PNKD: variants seen among roughly 807,000 people sequenced by gnomAD.
PNKD encodes the protein probable thioesterase PNKD.
PNKD carries 36 observed loss-of-function variants against 45.3 expected under a neutral mutation model. The ratio of observed to expected loss-of-function variants is 0.80; its 90% CI spans 0.61 to 1.05. PNKD has a LOEUF of 1.05. Among genes scored for constraint, PNKD ranks in the 50% least tolerant of loss-of-function variants. PNKD has a pLI of 0.00. For synonymous variants in PNKD, 197 were observed against 210.1 expected, an observed-to-expected ratio of 0.94 and a Z score of 0.54; for missense variants, 511 against 506.6, an observed-to-expected ratio of 1.01 and a Z score of -0.08.
Position 218,346,366 on chromosome 2 carries a change from C to T in PNKD, c.*1385C>T, listed in dbSNP as rs1255941944. On this transcript the variant is annotated 3_prime_UTR_variant, in exon 10 of 10. Transcript: ENST00000273077. ...CTCTGCCCCCTTCTCTAGCCACAGC[C>T]TCTAGTACACTTTAGCAATACCACC... The T allele has an allele frequency of 1.3e-5, 2 of 153,066 alleles. No homozygotes were observed. The highest frequency in any genetic ancestry group is 4.8e-5 in the African/African-American group (2 of 41,460). 9.5% of individuals were successfully genotyped at this position (153,066 alleles called of 1,614,324 possible).
At chr2:218,343,095 A>G (rs544015784) in intron 7 of PNKD, among the ~76,000 whole-genome samples, 1 of 152,134 alleles carries the variant, frequency 6.6e-6, no homozygotes, top group Admixed American at 6.5e-5. Context: ...TGGCAGGACT[A>G]GGTTATGAAA....
intron 2 of PNKD, among the ~76,000 whole-genome samples, chr2:218,331,312 C>T (rs1263307326): frequency 6.6e-6 from 1 of 151,792 alleles, no homozygotes; most frequent in Non-Finnish European, 1.5e-5. Context: ...GAGGCTGAGG[C>T]AGAAGAATCG....
chr2:218,339,994 C>A (rs1302266940), intron 3 of PNKD, 35 bp from the exon 4 acceptor site: 3 of 1,529,152 alleles, frequency 2.0e-6, no homozygotes, highest in Non-Finnish European at 2.7e-6. Flanking sequence ...GGCTCCCTGC[C>A]TGTTACCCCG....
chr2:218,280,109 C>T (rs1691726750), intron 2 of PNKD: 3 of 1,614,126 alleles, frequency 1.9e-6, no homozygotes, highest in Non-Finnish European at 2.5e-6. Flanking sequence ...TCCTCCCCAT[C>T]ATAGCCATGG....
chr2:218,270,570 G>T lies in PNKD; in HGVS notation c.35G>T (p.Gly12Val), dbSNP rs778883254. The T allele has an allele frequency of 8.3e-7, 1 of 1,201,806 alleles. No homozygotes were observed. Among genetic ancestry groups the T allele is most frequent in the East Asian group, 3.1e-5 (1 of 32,704 alleles). 74.4% of individuals were successfully genotyped at this position (1,201,806 alleles called of 1,614,324 possible). A position where few individuals can be genotyped will look rare whatever the true frequency, so the allele number is the denominator to read the frequency against. ...AAVVAATALK[G>V]RGARNARVLR... ...GTGGTAGCTGCTACGGCGCTGAAGG[G>T]CCGGGGGGCGAGAAATGCCCGCGTC... Residue 12 changes from glycine (G) to valine (V), a missense_variant, in exon 1 of 10, where the codon GGC becomes GTC. By Grantham distance (109) the Gly-to-Val change is moderately radical. Transcript: ENST00000273077.
chr2:218,314,221 G>GTT (rs1693701207), intron 2 of PNKD, among the ~76,000 whole-genome samples: 4 of 57,014 alleles, frequency 7.0e-5, no homozygotes, highest in African/African-American at 2.5e-4. Flanking sequence ...CCGCGCCCTG[G>GTT]CTTTTTTTTT....
At chr2:218,304,784 G>T (rs2106254562) in intron 2 of PNKD, among the ~76,000 whole-genome samples, 1 of 152,212 alleles carries the variant, frequency 6.6e-6, no homozygotes. Context: ...TCTCTAAAGT[G>T]GGGCGACTGG....
chr2:218,306,551 C>G (rs1452956750), intron 2 of PNKD, among the ~76,000 whole-genome samples: 2 of 152,146 alleles, frequency 1.3e-5, no homozygotes, highest in Non-Finnish European at 2.9e-5. Context: ...ACCAGTCCCT[C>G]GTGGAGAGAA....
intron 2 of PNKD, among the ~76,000 whole-genome samples, chr2:218,314,524 C>T (rs1457925462): frequency 4.6e-5 from 7 of 152,046 alleles, no homozygotes; most frequent in Non-Finnish European, 1.0e-4. Flanking sequence ...AAGTTAGCCA[C>T]CATGCCTGGC....
rs760344888 is a variant in PNKD, at chr2:218,272,664, A to T, written c.236+1115A>T. 2.5e-6 allele frequency: 4 copies of T among 1,614,194 alleles called. No homozygotes were observed. The East Asian group carries it at 6.7e-5, about 27-fold the overall frequency. Reference sequence around the variant, plus strand: ...GAAGCAGATGAAGGCTCGGCAGAACATGCGGTTGTCCAACACGGGCGAGTA... The same window carrying T: ...GAAGCAGATGAAGGCTCGGCAGAACTTGCGGTTGTCCAACACGGGCGAGTA... On this transcript the variant is annotated intron_variant, in intron 2 of 9. Coordinates refer to ENST00000273077, the MANE Select transcript of PNKD (RefSeq NM_015488.5).
chr2:218,340,609 C>T lies in PNKD; in HGVS notation c.466-119C>T, dbSNP rs1356637999. ...TCCCCTCCAGCTCCATCCCTTTCCT[C>T]TGCTTCATCTCTCCATGCTCTCCTC... On this transcript the variant is annotated intron_variant, in intron 4 of 9. Transcript: ENST00000273077. The surrounding 1 kb of genome is among the most constrained non-coding windows in gnomAD (Gnocchi z 4.2). 2 of 791,528 alleles carry T rather than the reference C, an allele frequency of 2.5e-6. No homozygotes were observed. Among genetic ancestry groups the T allele is most frequent in the Non-Finnish European group, 4.5e-6 (2 of 441,782 alleles). The allele number at this position is 791,528 out of a possible 1,614,324, so 49.0% of individuals were successfully genotyped here.
At chr2:218,282,244 G>GT in intron 2 of PNKD, 1 of 987,780 alleles carries the variant, frequency 1.0e-6, no homozygotes, top group Non-Finnish European at 1.4e-6. Context: ...AGCCTCATGG[G>GT]CCCACTTCCA....
intron 2 of PNKD, among the ~76,000 whole-genome samples, chr2:218,283,436 G>A (rs1472144782): frequency 4.6e-5 from 7 of 152,180 alleles, no homozygotes; most frequent in African/African-American, 1.7e-4. Flanking sequence ...AGGTAGCAGA[G>A]ATGCAGGCTT....
At chr2:218,276,280 C>T (rs1227196782) in intron 2 of PNKD, among the ~76,000 whole-genome samples, 3 of 152,200 alleles carry the variant, frequency 2.0e-5, no homozygotes, top group African/African-American at 7.2e-5. Context: ...GGCCATCCTG[C>T]AATGGCTGTA....
At chr2:218,318,950 C>CTTTTTTTTTTTTTTTTTTTTTTTTTT (rs769001811) in intron 2 of PNKD, among the ~76,000 whole-genome samples, 1 of 99,904 alleles carries the variant, frequency 1.0e-5, no homozygotes, top group Non-Finnish European at 1.9e-5. Flanking sequence ...TTTTTTTTTT[C>CTTTTTTTTTTTTTTTTTTTTTTTTTT]TTTTTTTTTT....
chr2:218,277,842 A>G, intron 2 of PNKD: 8 of 1,580,120 alleles, frequency 5.1e-6, no homozygotes, highest in Non-Finnish European at 6.9e-6. Flanking sequence ...GGAGACAGCC[A>G]GGACATCCTT....
At chr2:218,288,955 G>A (rs1367865601) in intron 2 of PNKD, among the ~76,000 whole-genome samples, 2 of 152,116 alleles carry the variant, frequency 1.3e-5, no homozygotes, top group Non-Finnish European at 2.9e-5. Context: ...TGAGATAACT[G>A]AAATTCAGAA....
chr2:218,301,813 A>C (rs990784713), intron 2 of PNKD, among the ~76,000 whole-genome samples: 1 of 152,022 alleles, frequency 6.6e-6, no homozygotes, highest in Non-Finnish European at 1.5e-5. Context: ...ACGGGAGAAA[A>C]GAAAGGGGCC....
At chr2:218,275,445 C>T in intron 2 of PNKD, 1 of 1,601,644 alleles carries the variant, frequency 6.2e-7, no homozygotes, top group Middle Eastern at 1.7e-4. Context: ...AGGGAGAGCC[C>T]AGGATCGGGT....
Sources: allele counts gnomAD v4.1 joint callset (sites outside exome capture counted in the v4.1 genomes callset), GRCh38; gene constraint gnomAD v4.1.1; non-coding constraint Gnocchi (gnomAD v3.1); transcripts MANE v1.5; gene names NCBI Gene and HGNC (gene_info 2026-07-23, HGNC 2026-07-21).